KMT2C: variants seen among roughly 807,000 people sequenced by gnomAD.
KMT2C encodes the protein histone-lysine N-methyltransferase 2C.
Under a neutral mutation model 507.9 loss-of-function variants are expected in KMT2C, and 88 were observed. The ratio of observed to expected loss-of-function variants is 0.17; its 90% CI spans 0.15 to 0.21. The LOEUF is 0.21. Among genes scored for constraint, KMT2C ranks in the 10% least tolerant of loss-of-function variants. The pLI, the probability that KMT2C is intolerant of heterozygous loss-of-function variation, is 1.00. For missense variants in KMT2C, 4,954 were observed against 5,957.8 expected, an observed-to-expected ratio of 0.83 and a Z score of 5.55; for synonymous variants, 2,049 against 2,080.8, an observed-to-expected ratio of 0.98 and a Z score of 0.42.
chr7:152,335,390 G>T (rs1369994653), intron 2 of KMT2C, among the ~76,000 whole-genome samples: 1 of 152,144 alleles, frequency 6.6e-6, no homozygotes, highest in African/African-American at 2.4e-5. Context: ...AAGGGGAAGA[G>T]AAAAATAAGT....
intron 55 of KMT2C, among the ~76,000 whole-genome samples, chr7:152,142,739 G>C (rs2090710083): frequency 6.6e-6 from 1 of 152,128 alleles, no homozygotes; most frequent in Admixed American, 6.5e-5. Flanking sequence ...TGGAACATCA[G>C]GTAACCATTC....
chr7:152,289,192 T>C (rs2096362303), intron 6 of KMT2C, among the ~76,000 whole-genome samples: 2 of 152,246 alleles, frequency 1.3e-5, no homozygotes, highest in African/African-American at 4.8e-5. Context: ...CAAAAATTGT[T>C]ACACGATGCA....
At chr7:152,207,568 G>A in intron 23 of KMT2C, 140 bp from the exon 24 acceptor site, 2 of 699,474 alleles carry the variant, frequency 2.9e-6, no homozygotes, top group Admixed American at 3.1e-5. Context: ...TATGAAAGGA[G>A]ATAGAAGAAG....
At chr7:152,293,949 C>T (rs1022740139) in intron 6 of KMT2C, among the ~76,000 whole-genome samples, 1 of 151,826 alleles carries the variant, frequency 6.6e-6, no homozygotes, top group Admixed American at 6.6e-5. Flanking sequence ...CCTCTGCATC[C>T]TGGGCTCAAG....
chr7:152,252,203 G>C (rs1408955553), intron 10 of KMT2C, 113 bp from the exon 11 acceptor site: 2 of 768,092 alleles, frequency 2.6e-6, no homozygotes, highest in Non-Finnish European at 4.0e-6. Flanking sequence ...AGTATGAGAG[G>C]AGAGAGGTTA....
chr7:152,251,227 G>T (rs779137208), intron 11 of KMT2C, among the ~76,000 whole-genome samples: 1 of 152,168 alleles, frequency 6.6e-6, no homozygotes, highest in Non-Finnish European at 1.5e-5. Flanking sequence ...CGGAAGGAAC[G>T]CTTGAAGCCA....
At chr7:152,271,692 A>C (rs2095976188) in intron 7 of KMT2C, among the ~76,000 whole-genome samples, 3 of 151,388 alleles carry the variant, frequency 2.0e-5, no homozygotes, top group Non-Finnish European at 4.4e-5. Flanking sequence ...AAAAAAAAAA[A>C]AAACCCCAAA....
chr7:152,305,993 A>G (rs1328453588), intron 6 of KMT2C, among the ~76,000 whole-genome samples: 1 of 152,224 alleles, frequency 6.6e-6, no homozygotes, highest in Non-Finnish European at 1.5e-5. Flanking sequence ...AAATACACAT[A>G]TTCAAATTAA....
At chr7:152,311,695 A>C in intron 5 of KMT2C, 103 bp downstream of exon 5, 1 of 810,116 alleles carries the variant, frequency 1.2e-6, no homozygotes, top group Non-Finnish European at 1.8e-6. Flanking sequence ...GATTATAATT[A>C]TTTCTAGATG....
chr7:152,142,960 G>C (rs1409460371), intron 55 of KMT2C, among the ~76,000 whole-genome samples: 1 of 152,170 alleles, frequency 6.6e-6, no homozygotes, highest in Non-Finnish European at 1.5e-5. Flanking sequence ...TGGGAGGGTG[G>C]CAGGATGAAA....
intron 55 of KMT2C, among the ~76,000 whole-genome samples, chr7:152,141,438 G>A (rs192310014): frequency 5.9e-5 from 9 of 151,910 alleles, no homozygotes; most frequent in East Asian, 3.9e-4. Flanking sequence ...GGCCAGGTGC[G>A]GTGGCTCACA....
Position 152,264,761 on chromosome 7 carries a change from G to A in KMT2C, c.1184+277C>T, listed in dbSNP as rs2095835400. Among the ~76,000 whole-genome samples the A allele has an allele frequency of 5.9e-5, 9 of 151,504 alleles. No homozygotes were observed. The South Asian group carries it at 1.7e-3, about 28-fold the overall frequency. On this transcript the variant is annotated intron_variant, in intron 8 of 58. Coordinates refer to ENST00000262189, the MANE Select transcript of KMT2C (RefSeq NM_170606.3). The stretch of plus-strand genomic sequence containing the variant: ...GCAAATTTAAATTAGCTCTTTAGAC[G>A]ACCAGAGCAATTTAAATGATTAAAA...
chr7:152,415,792 A>G (rs577633592), intron 1 of KMT2C, among the ~76,000 whole-genome samples: 1 of 152,348 alleles, frequency 6.6e-6, no homozygotes, highest in South Asian at 2.1e-4. Context: ...AGGCAGGAGA[A>G]CTGCTTGAAC....
chr7:152,179,661 G>T (rs1157377538), intron 37 of KMT2C, among the ~76,000 whole-genome samples, 173 bp downstream of exon 37: 3 of 4,980 alleles, frequency 6.0e-4, no homozygotes, highest in Non-Finnish European at 9.7e-4. Flanking sequence ...GAAGAGGTTG[G>T]GGGGGGGGGG....
intron 1 of KMT2C, among the ~76,000 whole-genome samples, chr7:152,393,964 T>C (rs1212768982): frequency 1.2e-4 from 18 of 150,582 alleles, no homozygotes; most frequent in African/African-American, 4.2e-4. Context: ...CCAAATAAAA[T>C]AGATGTGCAT....
At chr7:152,147,707 CAAA>C (rs762588729) in intron 52 of KMT2C, among the ~76,000 whole-genome samples, 1 of 46,734 alleles carries the variant, frequency 2.1e-5, no homozygotes, top group Admixed American at 2.2e-4. Context: ...AACTCCGTCT[CAAA>C]AAAAAAAAAA....
At chr7:152,343,349 G>T (rs1310194220) in intron 2 of KMT2C, among the ~76,000 whole-genome samples, 2 of 151,496 alleles carry the variant, frequency 1.3e-5, no homozygotes, top group African/African-American at 4.9e-5. Context: ...GCTTTTAGTG[G>T]GTCTATTAGT....
chr7:152,193,899 G>A (rs2093884723), intron 31 of KMT2C, 110 bp downstream of exon 31: 2 of 914,354 alleles, frequency 2.2e-6, no homozygotes, highest in Middle Eastern at 2.6e-4. Context: ...CTATCAGTTT[G>A]TATACGTGGC....
intron 15 of KMT2C, among the ~76,000 whole-genome samples, chr7:152,238,419 C>T (rs1293925816): frequency 4.6e-5 from 7 of 152,132 alleles, no homozygotes; most frequent in Admixed American, 4.6e-4. Context: ...TTTATGATAT[C>T]ATGAATGAAA....
Sources: allele counts gnomAD v4.1 joint callset (sites outside exome capture counted in the v4.1 genomes callset), GRCh38; gene constraint gnomAD v4.1.1; transcripts MANE v1.5; gene names NCBI Gene and HGNC (gene_info 2026-07-23, HGNC 2026-07-21).